EPHB2: variants seen among roughly 807,000 people sequenced by gnomAD.
EPHB2 encodes the protein ephrin type-B receptor 2.
EPHB2 carries 18 observed loss-of-function variants against 96.4 expected under a neutral mutation model. The ratio of observed to expected loss-of-function variants is 0.19; its 90% CI spans 0.13 to 0.28. EPHB2 has a LOEUF of 0.28. EPHB2 is among the 10% of genes least tolerant of loss of function. EPHB2 has a pLI of 1.00. For synonymous variants in EPHB2, 506 were observed against 534.1 expected (o/e 0.95, Z 0.72); for missense variants, 989 against 1,355.4 (o/e 0.73, Z 4.25).
intron 1 of EPHB2, among the ~76,000 whole-genome samples, chr1:22,716,100 G>T (rs1643289051): frequency 1.3e-5 from 2 of 152,178 alleles, no homozygotes; most frequent in African/African-American, 4.8e-5. Context: ...CCCCCCAAGT[G>T]TGGACAGACT....
At chr1:22,748,883 A>G (rs2148376389) in intron 1 of EPHB2, among the ~76,000 whole-genome samples, 1 of 149,732 alleles carries the variant, frequency 6.7e-6, no homozygotes, top group East Asian at 2.0e-4. Flanking sequence ...GGCAAAAACC[A>G]GAATTACTTT....
intron 3 of EPHB2, among the ~76,000 whole-genome samples, chr1:22,834,266 A>T (rs768704143): frequency 2.6e-4 from 40 of 152,248 alleles, no homozygotes; most frequent in Non-Finnish European, 4.7e-4. Context: ...AGGACCACAA[A>T]CCTTCCCCAG....
intron 3 of EPHB2, among the ~76,000 whole-genome samples, chr1:22,830,144 A>G (rs1171568314): frequency 6.6e-6 from 1 of 152,152 alleles, no homozygotes; most frequent in Non-Finnish European, 1.5e-5. Context: ...TGGTGGGCCA[A>G]CCCTGGGCTG....
intron 3 of EPHB2, among the ~76,000 whole-genome samples, chr1:22,841,196 A>G (rs920415597): frequency 2.6e-5 from 4 of 152,238 alleles, no homozygotes; most frequent in African/African-American, 9.6e-5. Flanking sequence ...TAGTAGACGA[A>G]TGGCAGCAGG....
intron 6 of EPHB2, among the ~76,000 whole-genome samples, chr1:22,888,675 A>T (rs1639301300): frequency 6.6e-6 from 1 of 152,150 alleles, no homozygotes; most frequent in African/African-American, 2.4e-5. Flanking sequence ...GGAGAGACCG[A>T]AGGGAATTGG....
intron 6 of EPHB2, among the ~76,000 whole-genome samples, chr1:22,887,646 C>T (rs2148559088): frequency 6.6e-6 from 1 of 152,322 alleles, no homozygotes; most frequent in African/African-American, 2.4e-5. Flanking sequence ...CTGGCTGCTT[C>T]CGTCAGTTCC....
intron 3 of EPHB2, among the ~76,000 whole-genome samples, chr1:22,817,385 C>T (rs780156305): frequency 6.6e-6 from 1 of 152,204 alleles, no homozygotes; most frequent in Non-Finnish European, 1.5e-5. Flanking sequence ...TGTGACTCAC[C>T]GAAGGTCACA....
chr1:22,839,997 G>A (rs140777155), intron 3 of EPHB2, among the ~76,000 whole-genome samples: 82 of 152,260 alleles, frequency 5.4e-4, no homozygotes, highest in African/African-American at 1.9e-3. Context: ...TTACTAGCTG[G>A]GACTTGAACG....
At chr1:22,855,664 A>G (rs1248563017) in intron 3 of EPHB2, among the ~76,000 whole-genome samples, 1 of 152,240 alleles carries the variant, frequency 6.6e-6, no homozygotes, top group Admixed American at 6.5e-5. Context: ...GGAGGCCAAG[A>G]ATAAATGAAT....
At chr1:22,797,241 C>T (rs1644779178) in intron 3 of EPHB2, among the ~76,000 whole-genome samples, 1 of 152,126 alleles carries the variant, frequency 6.6e-6, no homozygotes, top group African/African-American at 2.4e-5. Flanking sequence ...ATCAGACATT[C>T]GTCCCCTTCA....
intron 5 of EPHB2, among the ~76,000 whole-genome samples, chr1:22,878,130 G>A (rs1455903436): frequency 6.6e-6 from 1 of 152,214 alleles, no homozygotes; most frequent in Non-Finnish European, 1.5e-5. Context: ...CTCCCTGAAG[G>A]TGGTGTGAAT....
intron 3 of EPHB2, among the ~76,000 whole-genome samples, chr1:22,804,771 C>T (rs780490059): frequency 2.6e-5 from 4 of 152,066 alleles, no homozygotes; most frequent in Non-Finnish European, 2.9e-5. Flanking sequence ...TCTTTGCCCC[C>T]GCCTCTGTCC....
chr1:22,757,579 C>T (rs1016750607), intron 1 of EPHB2, among the ~76,000 whole-genome samples: 7 of 152,130 alleles, frequency 4.6e-5, no homozygotes, highest in Non-Finnish European at 7.3e-5. Flanking sequence ...TATTAAAAAT[C>T]GACCAGGCGT....
chr1:22,873,199 C>A (rs1238603619), intron 5 of EPHB2, among the ~76,000 whole-genome samples: 2 of 152,230 alleles, frequency 1.3e-5, no homozygotes, highest in East Asian at 3.8e-4. Flanking sequence ...CAACGCTGGT[C>A]TTGGCGAGGT....
At chr1:22,857,401 C>G (rs1460854017) in intron 3 of EPHB2, among the ~76,000 whole-genome samples, 1 of 152,002 alleles carries the variant, frequency 6.6e-6, no homozygotes, top group East Asian at 1.9e-4. Context: ...TCAGACTCAC[C>G]AATCCAAGGG....
At chr1:22,827,784 G>A (rs1338239227) in intron 3 of EPHB2, among the ~76,000 whole-genome samples, 8 of 152,218 alleles carry the variant, frequency 5.3e-5, no homozygotes, top group Admixed American at 1.3e-4. Flanking sequence ...TAACCCTCCT[G>A]TTCCCTGTCT....
At chr1:22,824,650 C>G (rs889722737) in intron 3 of EPHB2, among the ~76,000 whole-genome samples, 1 of 152,272 alleles carries the variant, frequency 6.6e-6, no homozygotes, top group Non-Finnish European at 1.5e-5. Flanking sequence ...CGGAGAAGGG[C>G]TGTTCATATT....
At position 22,793,397 on chromosome 1, in the gene EPHB2, G is replaced by A. The variant is rs532013506; in HGVS notation, c.811+8321G>A. Among the ~76,000 whole-genome samples, 23 of 152,302 alleles carry A rather than the reference G, an allele frequency of 1.5e-4. No homozygotes were observed. The East Asian group carries it at 4.4e-3, about 29-fold the overall frequency. On this transcript the variant is annotated intron_variant, in intron 3 of 15. Transcript: ENST00000374630. Reference sequence around the variant, plus strand: ...TGGGGTGCTTAGGAGGGAATGGGGAGAGAGCCAAGAAGGCTTCCTGGAGGA... The same window carrying A: ...TGGGGTGCTTAGGAGGGAATGGGGAAAGAGCCAAGAAGGCTTCCTGGAGGA...
In EPHB2 at chr1:22,710,970, G is replaced by T; in HGVS notation, c.-13G>T. ...CCGCGGCGCCGCGGCCCGAGGCCCC[G>T]GGAAGCGCAGCCATGGCTCTGCGGA... On this transcript the variant is annotated 5_prime_UTR_variant, in exon 1 of 16. Coordinates refer to ENST00000374630, the MANE Select transcript of EPHB2 (RefSeq NM_017449.5). The T allele has an allele frequency of 6.4e-6, 1 of 157,196 alleles. No individual in the cohort carries two copies. Among genetic ancestry groups the T allele is most frequent in the South Asian group, 1.3e-4 (1 of 7,666 alleles). The allele number at this position is 157,196 out of a possible 1,614,324, so 9.7% of individuals were successfully genotyped here.
Sources: allele counts gnomAD v4.1 joint callset (sites outside exome capture counted in the v4.1 genomes callset), GRCh38; gene constraint gnomAD v4.1.1; transcripts MANE v1.5; gene names NCBI Gene and HGNC (gene_info 2026-07-23, HGNC 2026-07-21).